Variants in METTL15 observed in about 807,000 individuals in gnomAD.
The protein encoded by METTL15 is 12S rRNA N(4)-cytidine methyltransferase METTL15.
METTL15 carries 34 observed loss-of-function variants against 38.3 expected under a neutral mutation model. The observed-to-expected ratio is 0.89, with a 90% confidence interval of 0.68 to 1.18. The LOEUF (loss-of-function observed/expected upper bound fraction) is 1.18, where lower values mean the gene tolerates loss of function less well. METTL15 is among the 50% of genes most tolerant of loss of function. The pLI, the probability that METTL15 is intolerant of heterozygous loss-of-function variation, is 0.00. For synonymous variants in METTL15, 162 were observed against 170.9 expected, an observed-to-expected ratio of 0.95 and a Z score of 0.41; for missense variants, 438 against 498.4, an observed-to-expected ratio of 0.88 and a Z score of 1.15.
At chr11:28,467,533 G>A (rs1275467529) in intron 6 of METTL15, among the ~76,000 whole-genome samples, 1 of 152,074 alleles carries the variant, frequency 6.6e-6, no homozygotes, top group Non-Finnish European at 1.5e-5. Context: ...TTGCCCCATT[G>A]TCTGGAAGTC....
At chr11:28,210,569 G>T (rs944554359) in intron 3 of METTL15, among the ~76,000 whole-genome samples, 2 of 151,580 alleles carry the variant, frequency 1.3e-5, no homozygotes, top group African/African-American at 4.8e-5. Context: ...GATTTTATCT[G>T]ATTTGTCCTG....
intron 5 of METTL15, among the ~76,000 whole-genome samples, chr11:28,399,362 T>C (rs1850607432): frequency 1.3e-5 from 2 of 152,030 alleles, no homozygotes; most frequent in Non-Finnish European, 2.9e-5. Flanking sequence ...TTATTTTTCA[T>C]GCATCAAGAC....
intron 5 of METTL15, among the ~76,000 whole-genome samples, chr11:28,383,708 GT>G (rs2133386952): frequency 6.6e-6 from 1 of 152,166 alleles, no homozygotes; most frequent in South Asian, 2.1e-4. Flanking sequence ...TTTCTCTAAT[GT>G]TTAGTGATGT....
At chr11:28,494,210 A>C (rs540021415) in intron 6 of METTL15, among the ~76,000 whole-genome samples, 1 of 152,326 alleles carries the variant, frequency 6.6e-6, no homozygotes, top group Non-Finnish European at 1.5e-5. Flanking sequence ...AGGGGCACCC[A>C]CAGAGCAGGG....
intron 6 of METTL15, among the ~76,000 whole-genome samples, chr11:28,425,480 G>C (rs917127235): frequency 5.3e-5 from 8 of 152,158 alleles, no homozygotes; most frequent in African/African-American, 1.9e-4. Context: ...GTATCCCTCA[G>C]TAACTTGAAA....
intron 3 of METTL15, among the ~76,000 whole-genome samples, chr11:28,116,254 G>A (rs974746348): frequency 2.0e-5 from 3 of 151,936 alleles, no homozygotes; most frequent in African/African-American, 4.8e-5. Context: ...TATTGAAAAC[G>A]AAAAAGCTAG....
At chr11:28,216,483 T>C (rs748550955) in intron 4 of METTL15, among the ~76,000 whole-genome samples, 61 of 152,220 alleles carry the variant, frequency 4.0e-4, no homozygotes, top group Non-Finnish European at 7.5e-4. Flanking sequence ...CTAGATGGTG[T>C]GAAAAAATTG....
chr11:28,395,996 C>T (rs531611820), intron 5 of METTL15, among the ~76,000 whole-genome samples: 2 of 152,196 alleles, frequency 1.3e-5, no homozygotes, highest in Non-Finnish European at 2.9e-5. Flanking sequence ...AGACAAAAAC[C>T]ACATGGTTGT....
At chr11:28,370,597 G>A (rs932683142) in intron 5 of METTL15, among the ~76,000 whole-genome samples, 3 of 151,916 alleles carry the variant, frequency 2.0e-5, no homozygotes, top group Non-Finnish European at 4.4e-5. Context: ...GTATCATACA[G>A]TAGTTCTATT....
At chr11:28,166,191 T>G (rs1024580762) in intron 3 of METTL15, among the ~76,000 whole-genome samples, 2 of 152,178 alleles carry the variant, frequency 1.3e-5, no homozygotes, top group Admixed American at 1.3e-4. Context: ...ACACTGGAAT[T>G]TTGATAGAGA....
At chr11:28,186,640 A>G (rs10767701) in intron 3 of METTL15, among the ~76,000 whole-genome samples, 13,316 of 151,128 alleles carry the variant, frequency 0.088, 1,044 homozygotes, top group East Asian at 0.36. Context: ...TTAAAGTGAG[A>G]AGGAAGTTTT....
intron 6 of METTL15, among the ~76,000 whole-genome samples, chr11:28,513,499 C>T (rs747120289): frequency 5.9e-5 from 9 of 152,046 alleles, no homozygotes; most frequent in African/African-American, 9.7e-5. Context: ...CATGAGGTGC[C>T]GAGACCAGCT....
At chr11:28,284,581 G>A (rs1278102806) in intron 4 of METTL15, among the ~76,000 whole-genome samples, 1 of 152,070 alleles carries the variant, frequency 6.6e-6, no homozygotes, top group Non-Finnish European at 1.5e-5. Flanking sequence ...TAGCAAAACT[G>A]CCCAAGTACA....
chr11:28,419,357 G>A (rs1232958411), intron 5 of METTL15, among the ~76,000 whole-genome samples: 1 of 152,176 alleles, frequency 6.6e-6, no homozygotes, highest in Admixed American at 6.5e-5. Flanking sequence ...TCTCTGCCTG[G>A]TAATCTATAA....
chr11:28,248,346 G>A (rs536906417), intron 4 of METTL15, among the ~76,000 whole-genome samples: 7 of 152,122 alleles, frequency 4.6e-5, no homozygotes, highest in African/African-American at 1.2e-4. Context: ...AGGAAAGTTG[G>A]GGTAATTTTT....
chr11:28,115,416 G>A (rs747542465), intron 3 of METTL15, among the ~76,000 whole-genome samples: 1 of 151,778 alleles, frequency 6.6e-6, no homozygotes, highest in Non-Finnish European at 1.5e-5. Context: ...GTACCACCAC[G>A]CCCGGCTAAT....
intron 5 of METTL15, among the ~76,000 whole-genome samples, chr11:28,419,266 T>C (rs537780007): frequency 8.5e-5 from 13 of 152,096 alleles, no homozygotes; most frequent in Non-Finnish European, 1.6e-4. Context: ...CTGTGTGACC[T>C]CTCCCCCAGC....
At chr11:28,440,417 G>A (rs1044875012) in intron 6 of METTL15, among the ~76,000 whole-genome samples, 16 of 151,896 alleles carry the variant, frequency 1.1e-4, no homozygotes, top group Non-Finnish European at 7.4e-5. Flanking sequence ...ATTTTTGTCA[G>A]GAAAAAAAGT....
intron 3 of METTL15, among the ~76,000 whole-genome samples, chr11:28,119,385 A>G (rs1311674226): frequency 1.3e-5 from 2 of 152,208 alleles, no homozygotes; most frequent in Non-Finnish European, 2.9e-5. Context: ...GATGTGAGGC[A>G]CCAATAAGAG....
Sources: gnomAD v4.1 joint callset for allele counts (sites outside exome capture counted in the v4.1 genomes callset) on GRCh38, gnomAD v4.1.1 for gene constraint, MANE v1.5 for transcripts, NCBI Gene and HGNC (gene_info 2026-07-23, HGNC 2026-07-21) for gene names.